The following PSMD1 variants were observed in gnomAD, a reference collection of about 807,000 sequenced individuals.
PSMD1 encodes the protein 26S proteasome non-ATPase regulatory subunit 1.
A neutral mutation model predicts 119.0 loss-of-function variants in PSMD1; 18 were observed. That is an observed-to-expected ratio of 0.15 (90% CI 0.10 to 0.22). PSMD1 has a LOEUF of 0.22. Among genes scored for constraint, PSMD1 ranks in the 10% least tolerant of loss-of-function variants. The pLI, the probability that PSMD1 is intolerant of heterozygous loss-of-function variation, is 1.00. For synonymous variants in PSMD1, 374 were observed against 396.6 expected (o/e 0.94, Z 0.68); for missense variants, 702 against 1,158.5 (o/e 0.61, Z 5.72).
chr2:231,070,967 C>T (rs1299718595), intron 6 of PSMD1, among the ~76,000 whole-genome samples: 2 of 151,972 alleles, frequency 1.3e-5, no homozygotes, highest in Non-Finnish European at 2.9e-5. Context: ...TTTTACAATC[C>T]CTTTTAAAGC....
intron 17 of PSMD1, chr2:231,139,119 T>C: frequency 9.0e-6 from 4 of 446,882 alleles, no homozygotes; most frequent in South Asian, 8.3e-5. Context: ...GGGTTTTTTG[T>C]TTTTGTTTTT....
At chr2:231,161,834 G>A (rs538935645) in intron 20 of PSMD1, among the ~76,000 whole-genome samples, 51 of 152,298 alleles carry the variant, frequency 3.3e-4, no homozygotes, top group Non-Finnish European at 2.1e-4. Flanking sequence ...GGGAACTGTC[G>A]AAGGATTTCA....
intron 16 of PSMD1, among the ~76,000 whole-genome samples, chr2:231,093,743 C>T (rs1694656279): frequency 6.6e-6 from 1 of 151,998 alleles, no homozygotes; most frequent in Non-Finnish European, 1.5e-5. Flanking sequence ...AGTAGTGTTG[C>T]CAGGTTCTTA....
chr2:231,113,415 T>C (rs1164448331), intron 16 of PSMD1, among the ~76,000 whole-genome samples: 3 of 152,218 alleles, frequency 2.0e-5, no homozygotes, highest in African/African-American at 7.2e-5. Context: ...AATTATCTGT[T>C]GGGAAATATG....
intron 9 of PSMD1, 147 bp downstream of exon 9, chr2:231,077,309 C>T: frequency 1.6e-6 from 1 of 639,118 alleles, no homozygotes; most frequent in Non-Finnish European, 2.4e-6. Flanking sequence ...AAATAGCAAT[C>T]AATTATCCTC....
At chr2:231,137,482 G>A (rs1392342328) in intron 16 of PSMD1, among the ~76,000 whole-genome samples, 1 of 152,094 alleles carries the variant, frequency 6.6e-6, no homozygotes, top group Non-Finnish European at 1.5e-5. Flanking sequence ...AAAATCTAGA[G>A]CTGTATATGC....
At chr2:231,122,344 G>T (rs1695575479) in intron 16 of PSMD1, among the ~76,000 whole-genome samples, 1 of 151,980 alleles carries the variant, frequency 6.6e-6, no homozygotes, top group South Asian at 2.1e-4. Context: ...TAAAACCTGG[G>T]TATAATAGTT....
intron 19 of PSMD1, among the ~76,000 whole-genome samples, chr2:231,158,546 G>A (rs1053416873): frequency 2.6e-5 from 4 of 152,102 alleles, no homozygotes; most frequent in East Asian, 1.9e-4. Flanking sequence ...ATTTAGCTTC[G>A]AAGTCCGAAG....
rs1283101023 is a variant in PSMD1, at chr2:231,062,351, AGATG to A, written c.134+34_134+37del. The A allele has an allele frequency of 3.2e-6, 5 of 1,556,924 alleles. No individual in the cohort carries two copies. The African/African-American group carries it at 6.8e-5, about 21-fold the overall frequency. ...GAAATTATTTTTATAAATCAGAATA[AGATG>A]GATCAAATTTAATTGTGAATGTGGG... On this transcript the variant is annotated intron_variant, in intron 3 of 24. Coordinates refer to ENST00000308696, the MANE Select transcript of PSMD1 (RefSeq NM_002807.4).
At chr2:231,113,921 A>G (rs1443488250) in intron 16 of PSMD1, 7 of 1,613,770 alleles carry the variant, frequency 4.3e-6, no homozygotes, top group East Asian at 2.2e-5. Context: ...GGGAGGGGCC[A>G]CATAGCCTCT....
At chr2:231,108,006 G>T (rs764305436) in intron 16 of PSMD1, among the ~76,000 whole-genome samples, 11 of 152,296 alleles carry the variant, frequency 7.2e-5, no homozygotes, top group Non-Finnish European at 1.3e-4. Flanking sequence ...GGAAAATTAT[G>T]ACTGCATTCA....
rs1485898057 is a variant in PSMD1, at chr2:231,109,662, G to A, written c.1883+22481G>A. Among the ~76,000 whole-genome samples the A allele has an allele frequency of 2.6e-5, 4 of 152,198 alleles. No homozygotes were observed. In the East Asian group the frequency reaches 5.8e-4, roughly 22 times the overall value. ...TAATGAAAGCTCCCCTAAAGCTATA[G>A]TATATCCATGATACAGTGGAGAATG... On this transcript the variant is annotated intron_variant, in intron 16 of 24. Coordinates refer to ENST00000308696, the MANE Select transcript of PSMD1 (RefSeq NM_002807.4).
chr2:231,166,757 T>C (rs1696796134), intron 23 of PSMD1, among the ~76,000 whole-genome samples: 1 of 152,214 alleles, frequency 6.6e-6, no homozygotes, highest in Admixed American at 6.5e-5. Flanking sequence ...ATTCGATTTC[T>C]AGATCCTTAT....
At chr2:231,166,508 C>CT (rs57532122) in intron 23 of PSMD1, among the ~76,000 whole-genome samples, 64,361 of 148,088 alleles carry the variant, frequency 0.43, 15,064 homozygotes, top group East Asian at 0.62. Flanking sequence ...ACACCGTTGT[C>CT]TTTTTTTTTT....
intron 16 of PSMD1, among the ~76,000 whole-genome samples, chr2:231,096,286 G>T (rs1217858078): frequency 6.6e-6 from 1 of 152,106 alleles, no homozygotes; most frequent in Admixed American, 6.5e-5. Context: ...TTGGAGGAGG[G>T]GACTCAGGCA....
intron 16 of PSMD1, among the ~76,000 whole-genome samples, chr2:231,115,421 C>T (rs981498320): frequency 1.1e-4 from 17 of 152,018 alleles, no homozygotes; most frequent in Admixed American, 6.6e-4. Flanking sequence ...AATATTTCTT[C>T]CTAGGAACAA....
chr2:231,172,053 T>C (rs968077976), intron 24 of PSMD1, among the ~76,000 whole-genome samples: 3 of 152,236 alleles, frequency 2.0e-5, no homozygotes, highest in African/African-American at 7.2e-5. Context: ...ACTATTAGTT[T>C]GGGCCTTAGA....
intron 16 of PSMD1, among the ~76,000 whole-genome samples, chr2:231,088,542 A>G (rs1479909894): frequency 6.6e-6 from 1 of 152,174 alleles, no homozygotes; most frequent in Non-Finnish European, 1.5e-5. Flanking sequence ...TTTATCTGTT[A>G]TGGTAATCTG....
At chr2:231,153,849 C>A (rs180733062) in intron 19 of PSMD1, among the ~76,000 whole-genome samples, 183 bp downstream of exon 19, 120 of 152,326 alleles carry the variant, frequency 7.9e-4, no homozygotes, top group African/African-American at 2.7e-3. Context: ...CGCAATGGTT[C>A]ATGCCTATAA....
Sources: gnomAD v4.1 joint callset for allele counts (sites outside exome capture counted in the v4.1 genomes callset) on GRCh38, gnomAD v4.1.1 for gene constraint, MANE v1.5 for transcripts, NCBI Gene and HGNC (gene_info 2026-07-23, HGNC 2026-07-21) for gene names.